URB1: variants seen among roughly 807,000 people sequenced by gnomAD.
URB1 encodes URB1 ribosome biogenesis factor.
URB1 carries 197 observed loss-of-function variants against 242.3 expected under a neutral mutation model. The ratio of observed to expected loss-of-function variants is 0.81; its 90% CI spans 0.72 to 0.91. The LOEUF is 0.91. Among genes scored for constraint, URB1 ranks in the 40% least tolerant of loss-of-function variants. URB1 has a pLI of 0.00. For synonymous variants in URB1, 1,153 were observed against 1,201.8 expected (o/e 0.96, Z 0.84); for missense variants, 2,721 against 2,860.5 (o/e 0.95, Z 1.11).
rs2033027368 is a variant in URB1 at position 32,341,393 on chromosome 21, T to C, written c.4316+73A>G. The C allele has an allele frequency of 5.6e-6, 8 of 1,435,606 alleles. No individual in the cohort carries two copies. In the East Asian group the frequency reaches 2.0e-4, roughly 36 times the overall value. The allele number at this position is 1,435,606 out of a possible 1,614,324, so 88.9% of individuals were successfully genotyped here. On this transcript the variant is annotated intron_variant, in intron 25 of 38. Coordinates refer to ENST00000382751, the MANE Select transcript of URB1 (RefSeq NM_014825.3). The stretch of plus-strand genomic sequence containing the variant: ...CGTGGATTATGCTAATAACAAGCTA[T>C]AAAAGAGGCTTTGCATGCTGAACGA...
At chr21:32,376,021 G>C (rs1413540678) in intron 5 of URB1, among the ~76,000 whole-genome samples, 1 of 152,110 alleles carries the variant, frequency 6.6e-6, no homozygotes, top group Non-Finnish European at 1.5e-5. Flanking sequence ...ACCTACAAGC[G>C]AACCAATGAC....
rs949236961 is a variant in URB1, at chr21:32,378,652, C to A, written c.568-111G>T. The A allele has an allele frequency of 2.8e-5, 23 of 835,436 alleles. No individual in the cohort carries two copies. The African/African-American group carries it at 3.9e-4, about 14-fold the overall frequency. The allele number at this position is 835,436 out of a possible 1,614,324, so 51.8% of individuals were successfully genotyped here. A position where few individuals can be genotyped will look rare whatever the true frequency, so the allele number is the denominator to read the frequency against. ...TCCCGTCTCAACATCACCAGCCCCC[C>A]AGCCTTGTCCCCAGTCACCAGGGGA... On this transcript the variant is annotated intron_variant, in intron 4 of 38. Transcript: ENST00000382751.
At chr21:32,378,211 C>A in intron 5 of URB1, among the ~76,000 whole-genome samples, 1 of 152,162 alleles carries the variant, frequency 6.6e-6, no homozygotes, top group Non-Finnish European at 1.5e-5. Context: ...CGGCATTGTT[C>A]AGCATTCCAG....
intron 30 of URB1, among the ~76,000 whole-genome samples, chr21:32,327,754 G>A (rs1169539991): frequency 6.6e-6 from 1 of 152,198 alleles, no homozygotes; most frequent in Non-Finnish European, 1.5e-5. Context: ...GATCTATACT[G>A]TTACAAGGTC....
At position 32,336,351 on chromosome 21, in the gene URB1, C is replaced by T. The variant is rs60752811; in HGVS notation, c.4685+743G>A. The stretch of plus-strand genomic sequence containing the variant: ...AGCTCTCCTGAACAATCTTCCTTGG[C>T]CCAGTCAGCCCGCCTCCTGGCTGAA... On this transcript the variant is annotated intron_variant, in intron 28 of 38. Coordinates refer to ENST00000382751, the MANE Select transcript of URB1 (RefSeq NM_014825.3). Among the ~76,000 whole-genome samples the T allele has an allele frequency of 4.4e-3, 671 of 152,250 alleles. 7 individuals carry two copies. Among genetic ancestry groups the T allele is most frequent in the African/African-American group, 0.015 (639 of 41,538 alleles).
chr21:32,359,556 C>T (rs898905073), intron 14 of URB1, among the ~76,000 whole-genome samples: 64 of 152,144 alleles, frequency 4.2e-4, no homozygotes, highest in African/African-American at 1.3e-3. Flanking sequence ...CTCCCTGGAC[C>T]CAGCAATGTA....
At chr21:32,355,257 C>T (rs1257551951) in intron 16 of URB1, among the ~76,000 whole-genome samples, 192 bp downstream of exon 16, 1 of 152,172 alleles carries the variant, frequency 6.6e-6, no homozygotes, top group Non-Finnish European at 1.5e-5. Context: ...GGAAATGAAA[C>T]AGCATGCTGT....
rs1601111031 is a variant in URB1 at position 32,311,407 on chromosome 21, C to A, written c.*3511G>T. On this transcript the variant is annotated 3_prime_UTR_variant, in exon 39 of 39. Transcript: ENST00000382751. ...GATGGGAGGTCAACCTGCTCCCCTC[C>A]ACCCCCCACCCCCCCCATCCTAAAT... 4 of 336,218 alleles carry A rather than the reference C, an allele frequency of 1.2e-5. No individual in the cohort carries two copies. In the Admixed American group the frequency reaches 1.8e-4, roughly 15 times the overall value. The allele number at this position is 336,218 out of a possible 1,614,324, so 20.8% of individuals were successfully genotyped here.
chr21:32,338,219 T>TA (rs2032984907), intron 26 of URB1, among the ~76,000 whole-genome samples: 1 of 152,204 alleles, frequency 6.6e-6, no homozygotes, highest in Non-Finnish European at 1.5e-5. Flanking sequence ...CTGTGAGCAC[T>TA]AAAGTGAATC....
At chr21:32,385,509 T>C in intron 2 of URB1, 36 bp downstream of exon 2, 1 of 1,536,850 alleles carries the variant, frequency 6.5e-7, no homozygotes, top group East Asian at 2.5e-5. Context: ...CATTAACTTT[T>C]CTTCTCTTCA....
At chr21:32,337,818 C>T (rs2032979856) in intron 26 of URB1, among the ~76,000 whole-genome samples, 1 of 152,040 alleles carries the variant, frequency 6.6e-6, no homozygotes, top group African/African-American at 2.4e-5. Context: ...CCACCGCGCC[C>T]AGCCCCCCAC....
Position 32,355,511 on chromosome 21 carries a change from G to A in URB1, c.2044C>T (p.Leu682=), listed in dbSNP as rs1484450180. The A allele has an allele frequency of 2.6e-6, 4 of 1,551,656 alleles. No homozygotes were observed. In the East Asian group the frequency reaches 7.3e-5, roughly 28 times the overall value. Residue 682 remains leucine, a synonymous_variant, in exon 16 of 39, where the codon CTG becomes TTG. Transcript: ENST00000382751. ...TCCATGGTGTTCTCTAAATGCTCCAGCCAGAGCTCCAGCTCCTTCCAGGTG... is the reference window on the plus strand; with the variant it reads ...TCCATGGTGTTCTCTAAATGCTCCAACCAGAGCTCCAGCTCCTTCCAGGTG... ...EHTWKELELW[L]EHLENTMEED...
rs767773729 is a variant in URB1, at chr21:32,317,865, C to T, written c.5845G>A (p.Val1949Met). The change falls in exon 37 of 39, where the codon GTG (valine) becomes ATG (methionine). Residue 1949 changes from valine (V) to methionine (M), a missense_variant. By Grantham distance (21) the Val-to-Met change is conservative. Transcript: ENST00000382751. ...LTNFFGTLDS[V>M]LRYRATVIQA... is the part of the protein sequence containing the mutation. ...ATGACAGTGGCCCGGTACCTCAGCA[C>T]GGAGTCAAGTGTCCCGAAGAAGTTG... 55 of 1,551,792 alleles carry T rather than the reference C, an allele frequency of 3.5e-5. No individual in the cohort carries two copies. The highest frequency in any genetic ancestry group is 2.0e-4 in the South Asian group (17 of 84,052).
Position 32,361,054 on chromosome 21 carries a change from G to C in URB1, c.1709C>G (p.Pro570Arg). 2 of 1,551,242 alleles carry C rather than the reference G, an allele frequency of 1.3e-6. No individual in the cohort carries two copies. The highest frequency in any genetic ancestry group is 2.0e-5 in the Admixed American group (1 of 50,946). The change falls in exon 13 of 39, where the codon CCC becomes CGC. Residue 570 changes from proline to arginine, a missense_variant. Transcript: ENST00000382751. ...AAAGTTGTACTGCATGACCACGTGG[G>C]GGACCACCTTCTGGTAGAGGCATAT... The part of the protein sequence containing the change: ...QVICLYQKVV[P>R]HVVMQYNFDF...
intron 30 of URB1, among the ~76,000 whole-genome samples, chr21:32,332,683 T>C (rs772313155): frequency 1.3e-5 from 2 of 151,476 alleles, no homozygotes; most frequent in Non-Finnish European, 2.9e-5. Context: ...GATGTGCAGA[T>C]AGCAAATAAG....
chr21:32,380,517 C>T (rs1238027265), intron 4 of URB1, among the ~76,000 whole-genome samples: 1 of 152,176 alleles, frequency 6.6e-6, no homozygotes, highest in Non-Finnish European at 1.5e-5. Context: ...TGCCTTAACC[C>T]ACCAATTCAG....
chr21:32,344,752 T>C lies in URB1; in HGVS notation c.4075A>G (p.Ile1359Val). Residue 1359 changes from isoleucine to valine, a missense_variant, in exon 24 of 39, where the codon ATC becomes GTC. Ile to Val is a conservative substitution (Grantham distance 29). Transcript: ENST00000382751. Reference sequence around the variant, plus strand: ...GCTGCTGAAATGGAGTCGGCCACGATCCACCTGCAGCAGGAGATGAGAGTC... The same window carrying C: ...GCTGCTGAAATGGAGTCGGCCACGACCCACCTGCAGCAGGAGATGAGAGTC... ...LHTPSSHKRWIVADSISAALE... is the reference protein window; with the variant it reads ...LHTPSSHKRWVVADSISAALE... 2.6e-6 allele frequency: 4 copies of C among 1,550,482 alleles called. No homozygotes were observed. Among genetic ancestry groups the C allele is most frequent in the Non-Finnish European group, 3.5e-6 (4 of 1,146,648 alleles).
intron 38 of URB1, 48 bp from the exon 39 acceptor site, chr21:32,315,147 T>A: frequency 1.4e-6 from 2 of 1,442,722 alleles, no homozygotes; most frequent in South Asian, 3.0e-5. Context: ...CCTGCTCAGC[T>A]CGAAAACAGG....
In URB1 at chr21:32,384,419, C is replaced by T. The variant is rs568570172; in HGVS notation, c.328G>A (p.Ala110Thr). Residue 110 changes from alanine (A) to threonine (T), a missense_variant, in exon 3 of 39, where the codon GCA becomes ACA. Ala to Thr is a moderately conservative substitution (Grantham distance 58). Coordinates refer to ENST00000382751, the MANE Select transcript of URB1 (RefSeq NM_014825.3). ...ACATGGAAATGTGAAAGATCACTTGCTGTCCGCAATAATATGGCCTCGAAA... is the reference window on the plus strand; with the variant it reads ...ACATGGAAATGTGAAAGATCACTTGTTGTCCGCAATAATATGGCCTCGAAA... ...QVFEAILLRT[A>T]SDLSHFHVVG... 6.4e-7 allele frequency: 1 copy of T among 1,552,036 alleles called. No individual in the cohort carries two copies. The highest frequency in any genetic ancestry group is 1.4e-5 in the African/African-American group (1 of 73,194).
Sources: allele counts gnomAD v4.1 joint callset (sites outside exome capture counted in the v4.1 genomes callset), GRCh38; gene constraint gnomAD v4.1.1; transcripts MANE v1.5; gene names NCBI Gene and HGNC (gene_info 2026-07-23, HGNC 2026-07-21).